The following CHL1 variants were observed in gnomAD, a reference collection of about 807,000 sequenced individuals.
The protein encoded by CHL1 is cell adhesion molecule L1 like.
CHL1 carries 96 observed loss-of-function variants against 141.9 expected under a neutral mutation model. The ratio of observed to expected loss-of-function variants is 0.68; its 90% confidence interval spans 0.57 to 0.80. The LOEUF (loss-of-function observed/expected upper bound fraction) is 0.80, where lower values mean the gene tolerates loss of function less well. CHL1 is among the 30% of genes least tolerant of loss of function. CHL1 has a pLI of 0.00. For synonymous variants in CHL1, 613 were observed against 502.2 expected (o/e 1.22, Z -2.95); for missense variants, 1,820 against 1,457.2 (o/e 1.25, Z -4.05).
intron 2 of CHL1, among the ~76,000 whole-genome samples, chr3:317,105 C>T (rs953555366): frequency 2.0e-5 from 3 of 151,922 alleles, no homozygotes; most frequent in African/African-American, 7.2e-5. Context: ...ATGTTGTAGC[C>T]TGTGAACATA....
At chr3:209,960 C>G (rs922907542) in intron 1 of CHL1, among the ~76,000 whole-genome samples, 1 of 152,170 alleles carries the variant, frequency 6.6e-6, no homozygotes, top group Non-Finnish European at 1.5e-5. Context: ...ATTCCATTGA[C>G]TTTTGAAGTT....
At chr3:386,324 T>A (rs755596929) in intron 19 of CHL1, among the ~76,000 whole-genome samples, 1 of 152,184 alleles carries the variant, frequency 6.6e-6, no homozygotes, top group East Asian at 1.9e-4. Flanking sequence ...ACATTTAACA[T>A]TAAACATGAT....
intron 1 of CHL1, among the ~76,000 whole-genome samples, chr3:233,732 C>T (rs1398392695): frequency 6.6e-6 from 1 of 151,994 alleles, no homozygotes; most frequent in African/African-American, 2.4e-5. Flanking sequence ...TCTCAGCATT[C>T]AATATTCTTT....
chr3:250,180 G>A (rs550923907), intron 2 of CHL1, among the ~76,000 whole-genome samples: 1 of 152,012 alleles, frequency 6.6e-6, no homozygotes, highest in African/African-American at 2.4e-5. Flanking sequence ...GCCCAGGCTG[G>A]TCTTGAACTC....
chr3:348,695 T>G (rs1702973163), intron 9 of CHL1, among the ~76,000 whole-genome samples: 1 of 152,228 alleles, frequency 6.6e-6, no homozygotes, highest in South Asian at 2.1e-4. Flanking sequence ...TGAGCTAATC[T>G]TTTGAAAGCG....
Position 394,805 on chromosome 3 carries a change from G to C in CHL1, c.3027G>C (p.Leu1009Phe). ...CAACTACCAAGTACAAATTCTACTT[G>C]AGGGCTTGCACTTCACAGGGCTGTG... ...LNATTKYKFY[L>F]RACTSQGCGK... is the part of the protein sequence containing the mutation. The change falls in exon 24 of 28, where the codon TTG becomes TTC. Residue 1009 changes from leucine to phenylalanine, a missense_variant. Leu to Phe is a conservative substitution (Grantham distance 22, BLOSUM62 0). Transcript: ENST00000256509. 6.2e-7 allele frequency: 1 copy of C among 1,614,046 alleles called. No individual in the cohort carries two copies. The highest frequency in any genetic ancestry group is 8.5e-7 in the Non-Finnish European group (1 of 1,179,966).
intron 2 of CHL1, among the ~76,000 whole-genome samples, chr3:263,534 G>C (rs182633023): frequency 2.0e-5 from 3 of 152,180 alleles, no homozygotes; most frequent in Non-Finnish European, 4.4e-5. Context: ...ATGAGATGTG[G>C]TGCATAAGAC....
chr3:324,645 A>C (rs966320950), intron 3 of CHL1, among the ~76,000 whole-genome samples: 3 of 126,862 alleles, frequency 2.4e-5, no homozygotes, highest in African/African-American at 7.8e-5. Context: ...TTATTTATTT[A>C]TTTTTACTTT....
chr3:284,820 T>C (rs1696987606), intron 2 of CHL1, among the ~76,000 whole-genome samples: 1 of 152,016 alleles, frequency 6.6e-6, no homozygotes, highest in African/African-American at 2.4e-5. Context: ...TAATCAGACC[T>C]TGGGATAATT....
At chr3:221,749 G>C (rs182403791) in intron 1 of CHL1, among the ~76,000 whole-genome samples, 1 of 152,280 alleles carries the variant, frequency 6.6e-6, no homozygotes, top group African/African-American at 2.4e-5. Flanking sequence ...GCACACCATT[G>C]AAAAGTTTAA....
chr3:324,621 A>T (rs990456771), intron 3 of CHL1, among the ~76,000 whole-genome samples: 2 of 133,358 alleles, frequency 1.5e-5, no homozygotes, highest in African/African-American at 2.6e-5. Context: ...TTATTTATTT[A>T]TTTATTTATT....
chr3:222,915 G>A (rs566178021), intron 1 of CHL1, among the ~76,000 whole-genome samples: 1 of 152,244 alleles, frequency 6.6e-6, no homozygotes, highest in African/African-American at 2.4e-5. Flanking sequence ...ATAGCCAGCA[G>A]TATAGCATCT....
chr3:382,556 A>G lies in CHL1; in HGVS notation c.2061A>G (p.Thr687=), dbSNP rs777000209. Residue 687 remains threonine (T), a synonymous_variant, in exon 18 of 28, where the codon ACA becomes ACG. Transcript: ENST00000256509. ...ELTRVQGKKT[T]VILPLAPFVR... Reference sequence around the variant, plus strand: ...CCAGAGTCCAAGGAAAGAAAACCACAGTTATCTTACCTTTGGCTCCATTTG... The same window carrying G: ...CCAGAGTCCAAGGAAAGAAAACCACGGTTATCTTACCTTTGGCTCCATTTG... 4.3e-6 allele frequency: 7 copies of G among 1,613,320 alleles called. No individual in the cohort carries two copies. The highest frequency in any genetic ancestry group is 2.7e-5 in the African/African-American group (2 of 74,886).
intron 5 of CHL1, among the ~76,000 whole-genome samples, chr3:335,253 C>T (rs368765587): frequency 6.6e-6 from 1 of 152,306 alleles, no homozygotes; most frequent in East Asian, 1.9e-4. Context: ...AAGGGTGCAA[C>T]TTTGAATTCT....
intron 11 of CHL1, among the ~76,000 whole-genome samples, chr3:359,135 G>GTATA (rs1703980620): frequency 6.6e-6 from 1 of 151,522 alleles, no homozygotes; most frequent in Admixed American, 6.6e-5. Flanking sequence ...TGTGGGATGT[G>GTATA]TCATCCAACT....
intron 2 of CHL1, among the ~76,000 whole-genome samples, chr3:298,650 T>C (rs1372600860): frequency 3.3e-5 from 5 of 152,150 alleles, no homozygotes; most frequent in African/African-American, 1.2e-4. Flanking sequence ...GGGTCTCTCA[T>C]TCATGAGTCA....
Position 363,220 on chromosome 3 carries a change from GA to G in CHL1, c.1424del (p.Lys475ArgfsTer5). On this transcript the variant is annotated frameshift_variant, in exon 14 of 28. Coordinates refer to ENST00000256509, the MANE Select transcript of CHL1 (RefSeq NM_006614.4). LOFTEE classifies it high-confidence loss of function. ...ASPEAVVSWQ[K>X]VEEVKPLEGR... is the part of the protein sequence containing the mutation. ...TGTACGCTTTCTTTGTCCATAGGCA[GA>G]AGGTGGAAGAAGTGAAACCCCTGGA... 1 of 1,608,182 alleles carries G rather than the reference GA, an allele frequency of 6.2e-7. No individual in the cohort carries two copies. The highest frequency in any genetic ancestry group is 8.5e-7 in the Non-Finnish European group (1 of 1,178,074).
At chr3:333,124 A>ATATTTTTTTTTTTT (rs1701575823) in intron 5 of CHL1, among the ~76,000 whole-genome samples, 1 of 83,314 alleles carries the variant, frequency 1.2e-5, no homozygotes, top group Non-Finnish European at 2.1e-5. Context: ...TAATTGCTCT[A>ATATTTTTTTTTTTT]TTTTTTTTAT....
rs1330091829 is a variant in CHL1, at chr3:408,437, C to G, written c.*2726C>G. 1 of 152,058 alleles carries G rather than the reference C, an allele frequency of 6.6e-6. No homozygotes were observed. The highest frequency in any genetic ancestry group is 2.4e-5 in the African/African-American group (1 of 41,398). The allele number at this position is 152,058 out of a possible 1,614,324, so 9.4% of individuals were successfully genotyped here. A position where few individuals can be genotyped will look rare whatever the true frequency, so the allele number is the denominator to read the frequency against. On this transcript the variant is annotated 3_prime_UTR_variant, in exon 28 of 28. Coordinates refer to ENST00000256509, the MANE Select transcript of CHL1 (RefSeq NM_006614.4). ...ATAAACATTAGGCAGGTTGCTTAACCTTTTTATTTCAAACTCTCTCAACTC... is the reference window on the plus strand; with the variant it reads ...ATAAACATTAGGCAGGTTGCTTAACGTTTTTATTTCAAACTCTCTCAACTC...
Sources: gnomAD v4.1 joint callset for allele counts (sites outside exome capture counted in the v4.1 genomes callset) on GRCh38, gnomAD v4.1.1 for gene constraint, MANE v1.5 for transcripts, NCBI Gene and HGNC (gene_info 2026-07-23, HGNC 2026-07-21) for gene names.